The following LMO1 variants were observed in gnomAD, a reference collection of about 807,000 sequenced individuals.
The protein encoded by LMO1 is rhombotin-1.
LMO1 carries 10 observed loss-of-function variants against 18.0 expected under a neutral mutation model. That is an observed-to-expected ratio of 0.55 (90% CI 0.34 to 0.94). The LOEUF (loss-of-function observed/expected upper bound fraction) is 0.94, where lower values mean the gene tolerates loss of function less well. LMO1 is among the 40% of genes least tolerant of loss of function. The pLI is 0.02. For missense variants in LMO1, 183 were observed against 205.7 expected (o/e 0.89, Z 0.68); for synonymous variants, 77 against 77.9 (o/e 0.99, Z 0.06).
At chr11:8,230,084 C>G (rs541275057) in intron 2 of LMO1, among the ~76,000 whole-genome samples, 1 of 152,336 alleles carries the variant, frequency 6.6e-6, no homozygotes, top group African/African-American at 2.4e-5. Flanking sequence ...GTGCTGGGTA[C>G]CGAGTCCAAG....
At chr11:8,241,143 T>A (rs1315529561) in intron 1 of LMO1, among the ~76,000 whole-genome samples, 2 of 152,194 alleles carry the variant, frequency 1.3e-5, no homozygotes, top group Non-Finnish European at 2.9e-5. Context: ...TCCCCAAACC[T>A]GGCCCCTGTA....
chr11:8,258,818 C>G (rs1435116018), intron 1 of LMO1, among the ~76,000 whole-genome samples: 1 of 152,176 alleles, frequency 6.6e-6, no homozygotes, highest in Non-Finnish European at 1.5e-5. Context: ...GAGAAAAAGG[C>G]AGTTCCCACA....
Position 8,227,058 on chromosome 11 carries a change from C to T in LMO1, c.282G>A (p.Leu94=). Residue 94 remains leucine (L), a synonymous_variant, in exon 3 of 4, where the codon CTG becomes CTA. Coordinates refer to ENST00000335790, the MANE Select transcript of LMO1 (RefSeq NM_002315.3). ...TTGNCAACSK[L]IPAFEMVMRA... Reference sequence around the variant, plus strand: ...GCATCACCATCTCGAAGGCTGGGATCAGCTTGCTGCAAGCAGCACAGTTCC... The same window carrying T: ...GCATCACCATCTCGAAGGCTGGGATTAGCTTGCTGCAAGCAGCACAGTTCC... The T allele has an allele frequency of 6.2e-7, 1 of 1,613,964 alleles. No individual in the cohort carries two copies. Among genetic ancestry groups the T allele is most frequent in the Non-Finnish European group, 8.5e-7 (1 of 1,179,886 alleles).
intron 1 of LMO1, among the ~76,000 whole-genome samples, chr11:8,261,609 C>A (rs765635955): frequency 2.0e-5 from 3 of 152,178 alleles, no homozygotes; most frequent in African/African-American, 7.2e-5. Context: ...TAAAGATGAA[C>A]CTTGCATGCT....
At chr11:8,257,633 G>T (rs936894643) in intron 1 of LMO1, among the ~76,000 whole-genome samples, 5 of 152,220 alleles carry the variant, frequency 3.3e-5, no homozygotes, top group Non-Finnish European at 5.9e-5. Flanking sequence ...TGGAACCCTA[G>T]GCAGCCCTTT....
chr11:8,259,992 A>G (rs533450530), intron 1 of LMO1, among the ~76,000 whole-genome samples: 117 of 151,690 alleles, frequency 7.7e-4, no homozygotes, highest in African/African-American at 2.4e-3. Context: ...GGTCACCCCC[A>G]CCTTCCTGCT....
intron 1 of LMO1, among the ~76,000 whole-genome samples, chr11:8,257,671 C>A (rs954242203): frequency 6.6e-6 from 1 of 152,242 alleles, no homozygotes; most frequent in Non-Finnish European, 1.5e-5. Flanking sequence ...AACCTTCCCC[C>A]TATAAATGGA....
chr11:8,244,841 T>TC (rs1215603397), intron 1 of LMO1, among the ~76,000 whole-genome samples: 1 of 152,120 alleles, frequency 6.6e-6, no homozygotes, highest in Non-Finnish European at 1.5e-5. Context: ...CACTGGGCCT[T>TC]CCCAGGGGAC....
intron 1 of LMO1, among the ~76,000 whole-genome samples, chr11:8,243,201 G>A (rs1846829099): frequency 6.6e-6 from 1 of 152,150 alleles, no homozygotes; most frequent in South Asian, 2.1e-4. Flanking sequence ...AGGCCCTGGG[G>A]GTTGCTTCAG....
chr11:8,262,945 G>A (rs1387524714), intron 1 of LMO1, among the ~76,000 whole-genome samples: 2 of 152,234 alleles, frequency 1.3e-5, no homozygotes, highest in East Asian at 1.9e-4. Context: ...GCTGGCGCGA[G>A]GGTGATGGCT....
chr11:8,250,047 T>C (rs1023160773), intron 1 of LMO1, among the ~76,000 whole-genome samples: 1 of 152,058 alleles, frequency 6.6e-6, no homozygotes. Flanking sequence ...TTTCCCCATT[T>C]TTTTTTTATT....
At chr11:8,251,777 AGGGGTGGAGG>A (rs1846998259) in intron 1 of LMO1, among the ~76,000 whole-genome samples, 1 of 118,558 alleles carries the variant, frequency 8.4e-6, no homozygotes, top group Non-Finnish European at 1.8e-5. Context: ...GTGTGTGTGG[AGGGGTGGAGG>A]GGTGTGGAGT....
Position 8,224,832 on chromosome 11 carries a change from G to T in LMO1, c.366-111C>A, listed in dbSNP as rs912835869. On this transcript the variant is annotated intron_variant, in intron 3 of 3. Transcript: ENST00000335790. Reference sequence around the variant, plus strand: ...TGAGGTGAGCTATGTGGGAGGTGGTGGGGGGAGTTTGTTCCTTGAACCTTC... The same window carrying T: ...TGAGGTGAGCTATGTGGGAGGTGGTTGGGGGAGTTTGTTCCTTGAACCTTC... 2.7e-5 allele frequency: 19 copies of T among 711,026 alleles called. No individual in the cohort carries two copies. In the East Asian group the frequency reaches 2.7e-4, roughly 10 times the overall value. 44.0% of individuals were successfully genotyped at this position (711,026 alleles called of 1,614,324 possible).
chr11:8,268,530 T>C, upstream of LMO1: 1 of 1,186,198 alleles, frequency 8.4e-7, no homozygotes, highest in Non-Finnish European at 1.1e-6. Context: ...CCGCCTGCGC[T>C]GCTCCCGCCG....
upstream of LMO1, among the ~76,000 whole-genome samples, chr11:8,266,578 A>G (rs1847263459): frequency 6.6e-6 from 1 of 152,222 alleles, no homozygotes; most frequent in Non-Finnish European, 1.5e-5. Context: ...GAGGACAACT[A>G]TCAATCCCCA....
chr11:8,230,717 C>G (rs994960343), intron 1 of LMO1, among the ~76,000 whole-genome samples: 6 of 152,192 alleles, frequency 3.9e-5, no homozygotes, highest in Non-Finnish European at 7.3e-5. Context: ...TTCCCTGGCC[C>G]TGTGAAGGTC....
chr11:8,227,120 G>A lies in LMO1; in HGVS notation c.240-20C>T, dbSNP rs750509740. 1.9e-6 allele frequency: 3 copies of A among 1,606,774 alleles called. No individual in the cohort carries two copies. The highest frequency in any genetic ancestry group is 2.2e-5 in the South Asian group (2 of 90,784). On this transcript the variant is annotated intron_variant, in intron 2 of 3. Coordinates refer to ENST00000335790, the MANE Select transcript of LMO1 (RefSeq NM_002315.3). ...AAGAGCCTGCCGAGGGAAGGGCGCA[G>A]AGGACTCAGCAGCATTCTGGGAAGC...
Position 8,224,416 on chromosome 11 carries a change from G to C in LMO1, c.*200C>G. On this transcript the variant is annotated 3_prime_UTR_variant, in exon 4 of 4. Coordinates refer to ENST00000335790, the MANE Select transcript of LMO1 (RefSeq NM_002315.3). ...TACAGAAGACAGACTGTACAGGCCC[G>C]GCCTGGCCCCAGGAGGGGTCACACA... 2 of 593,740 alleles carry C rather than the reference G, an allele frequency of 3.4e-6. No individual in the cohort carries two copies. The allele number at this position is 593,740 out of a possible 1,614,324, so 36.8% of individuals were successfully genotyped here.
intron 2 of LMO1, among the ~76,000 whole-genome samples, chr11:8,229,602 G>A (rs917942436): frequency 1.3e-5 from 2 of 152,184 alleles, no homozygotes; most frequent in African/African-American, 4.8e-5. Flanking sequence ...GTGGCCCCAG[G>A]GAATAGGATC....
Sources: gnomAD v4.1 joint callset for allele counts (sites outside exome capture counted in the v4.1 genomes callset) on GRCh38, gnomAD v4.1.1 for gene constraint, MANE v1.5 for transcripts, NCBI Gene and HGNC (gene_info 2026-07-23, HGNC 2026-07-21) for gene names.